Variants in UNC80 observed in about 807,000 individuals in gnomAD.
UNC80 encodes the protein protein unc-80 homolog.
A neutral mutation model predicts 384.6 loss-of-function variants in UNC80; 164 were observed. The observed-to-expected ratio is 0.43, with a 90% CI of 0.38 to 0.49. The LOEUF is 0.49. Ranked by LOEUF, UNC80 falls within the 20% of genes least tolerant of loss-of-function variation. The probability of loss-of-function intolerance (pLI) is 0.00; values close to 1 mark genes in which losing one functional copy is unlikely to be tolerated. For missense variants in UNC80, 3,330 were observed against 4,143.0 expected (o/e 0.80, Z 5.39); for synonymous variants, 1,486 against 1,527.8 (o/e 0.97, Z 0.64).
At chr2:209,857,840 T>G (rs1387992319) in intron 22 of UNC80, among the ~76,000 whole-genome samples, 1 of 152,214 alleles carries the variant, frequency 6.6e-6, no homozygotes, top group East Asian at 1.9e-4. Context: ...TGTTTTAATT[T>G]ATAAAATCCA....
At chr2:209,993,974 C>T (rs2093438784) in intron 63 of UNC80, 91 bp from the exon 64 acceptor site, 3 of 1,139,802 alleles carry the variant, frequency 2.6e-6, no homozygotes, top group South Asian at 1.8e-5. Flanking sequence ...TAAAAAATCC[C>T]CAGGAGACAC....
intron 7 of UNC80, chr2:209,809,316 G>C (rs968875267): frequency 7.8e-6 from 6 of 766,926 alleles, no homozygotes; most frequent in African/African-American, 1.7e-5. Context: ...GAAGCCACAC[G>C]CTGCCCTTCG....
intron 18 of UNC80, among the ~76,000 whole-genome samples, chr2:209,838,066 C>G (rs754068809): frequency 6.6e-6 from 1 of 152,130 alleles, no homozygotes; most frequent in South Asian, 2.1e-4. Context: ...CCACTGCGCC[C>G]GGCCTTGTAC....
At chr2:209,790,629 A>T (rs916635689) in intron 6 of UNC80, among the ~76,000 whole-genome samples, 20 of 152,178 alleles carry the variant, frequency 1.3e-4, no homozygotes, top group African/African-American at 4.8e-4. Flanking sequence ...GATTATAAGC[A>T]TATGTCAGAG....
At chr2:209,782,573 T>C (rs2077210273) in intron 4 of UNC80, among the ~76,000 whole-genome samples, 1 of 152,124 alleles carries the variant, frequency 6.6e-6, no homozygotes, top group Non-Finnish European at 1.5e-5. Flanking sequence ...GTAGGAATTA[T>C]CATTGTACCC....
chr2:209,941,160 T>A (rs2091605245), intron 43 of UNC80, 61 bp from the exon 44 acceptor site: 1 of 1,448,360 alleles, frequency 6.9e-7, no homozygotes, highest in Admixed American at 2.5e-5. Flanking sequence ...TTTGATCACC[T>A]CTCATGCTGA....
Position 209,771,877 on chromosome 2 carries a change from C to A in UNC80, c.-196C>A. ...CGCTCCGCGGCTCCTCCAGCCCTCC[C>A]CTCCTCCCGCAGCCATGTTCCACGC... On this transcript the variant is annotated 5_prime_UTR_variant, in exon 1 of 65. Coordinates refer to ENST00000673920, the MANE Select transcript of UNC80 (RefSeq NM_001371986.1). 5.1e-6 allele frequency: 3 copies of A among 584,156 alleles called. No homozygotes were observed. In the Admixed American group the frequency reaches 7.9e-5, roughly 15 times the overall value. 36.2% of individuals were successfully genotyped at this position (584,156 alleles called of 1,614,324 possible).
chr2:209,835,290 G>C (rs2081263240), intron 18 of UNC80, among the ~76,000 whole-genome samples: 2 of 152,116 alleles, frequency 1.3e-5, no homozygotes, highest in Admixed American at 1.3e-4. Flanking sequence ...CTTGAAAAAT[G>C]GCATATATAC....
At chr2:209,831,691 G>A (rs937690095) in intron 16 of UNC80, 100 bp downstream of exon 16, 29 of 1,301,410 alleles carry the variant, frequency 2.2e-5, no homozygotes, top group Admixed American at 2.0e-4. Context: ...AAATCTAAAA[G>A]TCTACACTTT....
chr2:209,972,065 G>T (rs1157638903), intron 54 of UNC80, 136 bp from the exon 55 acceptor site: 9 of 1,083,700 alleles, frequency 8.3e-6, no homozygotes, highest in Admixed American at 5.9e-5. Flanking sequence ...CTTGTATGCT[G>T]TACAGACAAC....
intron 44 of UNC80, among the ~76,000 whole-genome samples, chr2:209,941,922 G>T (rs2091659135): frequency 6.6e-6 from 1 of 152,150 alleles, no homozygotes; most frequent in Non-Finnish European, 1.5e-5. Flanking sequence ...ACAAAAAAAA[G>T]TTTTAAAGAA....
At chr2:209,813,554 A>G (rs1428943205) in intron 7 of UNC80, 26 bp from the exon 8 acceptor site, 10 of 1,544,040 alleles carry the variant, frequency 6.5e-6, no homozygotes, top group Non-Finnish European at 8.8e-6. Context: ...TGTCAGTATA[A>G]TTATCTTCTT....
intron 29 of UNC80, among the ~76,000 whole-genome samples, chr2:209,907,552 T>C (rs1202608567): frequency 6.6e-6 from 1 of 152,086 alleles, no homozygotes; most frequent in Non-Finnish European, 1.5e-5. Context: ...TGGATACAGA[T>C]TTGCCAACCA....
intron 26 of UNC80, among the ~76,000 whole-genome samples, chr2:209,891,449 T>C (rs1223475018): frequency 6.6e-6 from 1 of 152,146 alleles, no homozygotes; most frequent in Non-Finnish European, 1.5e-5. Flanking sequence ...CAGTCTTTTC[T>C]TTCCTTATTC....
At chr2:209,884,912 T>C (rs544677735) in intron 25 of UNC80, among the ~76,000 whole-genome samples, 2 of 150,842 alleles carry the variant, frequency 1.3e-5, no homozygotes, top group East Asian at 2.0e-4. Context: ...GGGGTGGGGG[T>C]TGGGAGAGCA....
intron 59 of UNC80, among the ~76,000 whole-genome samples, chr2:209,979,779 T>C (rs892681033): frequency 1.3e-5 from 2 of 152,208 alleles, no homozygotes; most frequent in Non-Finnish European, 2.9e-5. Flanking sequence ...AGTTGTGTTG[T>C]CAATGCCATA....
intron 7 of UNC80, among the ~76,000 whole-genome samples, chr2:209,806,461 C>T (rs2078905423): frequency 6.6e-6 from 1 of 152,302 alleles, no homozygotes. Context: ...CCCACAGCAA[C>T]GTACACCCAC....
rs541532896 is a variant in UNC80 at position 209,809,437 on chromosome 2, G to A, written c.939-4143G>A. On this transcript the variant is annotated intron_variant, in intron 7 of 64. Coordinates refer to ENST00000673920, the MANE Select transcript of UNC80 (RefSeq NM_001371986.1). Reference sequence around the variant, plus strand: ...CTGTACCCACTGCAGCCGTGCCTTCGCCGACCGCTCCAACCTGCGGGCCCA... The same window carrying A: ...CTGTACCCACTGCAGCCGTGCCTTCACCGACCGCTCCAACCTGCGGGCCCA... The A allele has an allele frequency of 1.3e-5, 19 of 1,469,870 alleles. No homozygotes were observed. The East Asian group carries it at 2.0e-4, about 16-fold the overall frequency. 91.1% of individuals were successfully genotyped at this position (1,469,870 alleles called of 1,614,324 possible). A position where few individuals can be genotyped will look rare whatever the true frequency, so the allele number is the denominator to read the frequency against.
Position 209,878,033 on chromosome 2 carries a change from A to C in UNC80, c.3920A>C (p.Glu1307Ala). 1 of 1,546,046 alleles carries C rather than the reference A, an allele frequency of 6.5e-7. No individual in the cohort carries two copies. Among genetic ancestry groups the C allele is most frequent in the Non-Finnish European group, 8.7e-7 (1 of 1,144,382 alleles). ...PANLLGLIYD[E>A]ETKRRLRKED... ...AACCTGCTGGGTCTCATTTACGATG[A>C]AGAGACCAAGAGGAGACTTAGAAAG... Residue 1307 changes from glutamate (E) to alanine (A), a missense_variant, in exon 24 of 65, where the codon GAA becomes GCA. Physicochemically the swap from Glu to Ala is moderately radical, Grantham distance 107. Transcript: ENST00000673920.
Sources: gnomAD v4.1 joint callset for allele counts (sites outside exome capture counted in the v4.1 genomes callset) on GRCh38, gnomAD v4.1.1 for gene constraint, MANE v1.5 for transcripts, NCBI Gene and HGNC (gene_info 2026-07-23, HGNC 2026-07-21) for gene names.